The following CDH23 variants were observed in gnomAD, a reference collection of about 807,000 sequenced individuals.
The protein encoded by CDH23 is cadherin-23.
In CDH23, 189 loss-of-function variants were observed where a neutral mutation model predicts 317.1. The observed-to-expected ratio is 0.60, with a 90% CI of 0.53 to 0.67. The LOEUF is 0.67. CDH23 is among the 30% of genes least tolerant of loss of function. The pLI is 0.00. For synonymous variants in CDH23, 1,839 were observed against 1,876.8 expected, an observed-to-expected ratio of 0.98 and a Z score of 0.52; for missense variants, 4,401 against 4,592.4, an observed-to-expected ratio of 0.96 and a Z score of 1.20.
chr10:71,667,392 G>GTGTGTGTGTGTGTGTA lies in CDH23; in HGVS notation c.1450-7716_1450-7715insTGTGTGTGTGTATGTG, dbSNP rs756166579. 2.0e-4 allele frequency among the ~76,000 whole-genome samples: 20 copies of GTGTGTGTGTGTGTGTA among 101,970 alleles called. No homozygotes were observed. The East Asian group carries it at 3.4e-3, about 17-fold the overall frequency. The allele number at this position is 101,970 out of a possible 152,430, so 66.9% of individuals were successfully genotyped here. ...TGTGTGTGTGTGTGTGTGTGTGTGTGTGTGCGCGTGTGTGTGTGAGGGGTG... is the reference window on the plus strand; with the variant it reads ...TGTGTGTGTGTGTGTGTGTGTGTGTGTGTGTGTGTGTGTGTATGTGCGCGTGTGTGTGTGAGGGGTG... On this transcript the variant is annotated intron_variant, in intron 14 of 69. Coordinates refer to ENST00000224721, the MANE Select transcript of CDH23 (RefSeq NM_022124.6).
chr10:71,668,945 G>A (rs914707821), intron 14 of CDH23, among the ~76,000 whole-genome samples: 10 of 152,326 alleles, frequency 6.6e-5, no homozygotes, highest in African/African-American at 2.2e-4. Context: ...GATTATAAAG[G>A]CCCAAATGAC....
intron 28 of CDH23, chr10:71,715,620 G>A (rs1866179444): frequency 3.9e-6 from 1 of 255,862 alleles, no homozygotes. Flanking sequence ...GCTGCTTCTA[G>A]GAGGTGGTTA....
chr10:71,510,213 C>G lies in CDH23; in HGVS notation c.277C>G (p.Leu93Val). The G allele has an allele frequency of 6.2e-7, 1 of 1,613,726 alleles. No homozygotes were observed. Residue 93 changes from leucine (L) to valine (V), a missense_variant, in exon 4 of 70, where the codon CTG becomes GTG. Leu to Val is a conservative substitution (Grantham distance 32). Transcript: ENST00000224721. ...DTGVVWLRQP[L>V]DRETKSEFTV... ...TGGCGTGGTGTGGCTCCGGCAGCCA[C>G]TGGACAGAGAGGTATGACTTGCCCA...
intron 14 of CDH23, chr10:71,646,996 G>C: frequency 1.0e-6 from 1 of 985,338 alleles, no homozygotes; most frequent in Non-Finnish European, 1.2e-6. Context: ...GCACCAGAGA[G>C]GGGCAGGCGC....
chr10:71,811,817 A>G, intron 65 of CDH23, 64 bp downstream of exon 65: 1 of 1,474,796 alleles, frequency 6.8e-7, no homozygotes, highest in Non-Finnish European at 8.9e-7. Context: ...TGGAGTGCCC[A>G]CCGGAGCCAC....
intron 38 of CDH23, chr10:71,753,969 G>A: frequency 2.3e-6 from 1 of 435,816 alleles, no homozygotes; most frequent in South Asian, 1.6e-5. Flanking sequence ...TTAGAGCTGG[G>A]GAAACTGAGG....
At chr10:71,763,909 C>A (rs138684920) in intron 38 of CDH23, among the ~76,000 whole-genome samples, 7 of 152,100 alleles carry the variant, frequency 4.6e-5, no homozygotes, top group African/African-American at 9.7e-5. Context: ...GATCCTGGGG[C>A]GCTTGTGTTT....
At chr10:71,402,750 C>A (rs1278248442) in intron 1 of CDH23, among the ~76,000 whole-genome samples, 1 of 151,642 alleles carries the variant, frequency 6.6e-6, no homozygotes. Context: ...TGTGTGCACG[C>A]GCGCGCGCGC....
At chr10:71,445,092 T>C (rs1774403590) in intron 2 of CDH23, among the ~76,000 whole-genome samples, 1 of 152,148 alleles carries the variant, frequency 6.6e-6, no homozygotes, top group Admixed American at 6.5e-5. Context: ...CCCAGCCCGC[T>C]CTGAAGCCAT....
In CDH23 at chr10:71,646,607, T is replaced by A. The variant is rs767928788; in HGVS notation, c.1439T>A (p.Leu480Gln). ...YENVTVGTSVLTVLATDNDAG... is the reference protein window; with the variant it reads ...YENVTVGTSVQTVLATDNDAG... ...AACGTCACCGTGGGGACCTCTGTGCTGACAGTCCTGGTGAGTCCCCGCTTC... is the reference window on the plus strand; with the variant it reads ...AACGTCACCGTGGGGACCTCTGTGCAGACAGTCCTGGTGAGTCCCCGCTTC... Residue 480 changes from leucine to glutamine, a missense_variant, in exon 14 of 70, where the codon CTG becomes CAG. Transcript: ENST00000224721. 1.2e-6 allele frequency: 2 copies of A among 1,613,882 alleles called. No individual in the cohort carries two copies. Among genetic ancestry groups the A allele is most frequent in the African/African-American group, 2.7e-5 (2 of 74,912 alleles).
At chr10:71,464,924 T>C (rs140062289) in intron 3 of CDH23, among the ~76,000 whole-genome samples, 1 of 152,210 alleles carries the variant, frequency 6.6e-6, no homozygotes, top group African/African-American at 2.4e-5. Context: ...CTGTCACTTA[T>C]GGAGGGCCAA....
In CDH23 at chr10:71,809,956, C is replaced by T. The variant is rs11000008; in HGVS notation, c.8859C>T (p.Asp2953=). 503 of 1,612,330 alleles carry T rather than the reference C, an allele frequency of 3.1e-4. 1 individual carries two copies. In the East Asian group the frequency reaches 9.8e-3, roughly 31 times the overall value. ...TAIIGIYILR[D]DQRVKIVINE... ...TCATCGGCATCTACATCCTGAGGGA[C>T]GACCAGCGCGTCAAGATCGTCATTA... The change falls in exon 61 of 70, where the codon GAC becomes GAT. Residue 2953 remains aspartate, a synonymous_variant. Transcript: ENST00000224721.
chr10:71,428,139 CTTTTTTT>C (rs112105182), intron 1 of CDH23, among the ~76,000 whole-genome samples: 1 of 131,536 alleles, frequency 7.6e-6, no homozygotes, highest in Non-Finnish European at 1.6e-5. Context: ...TTCTTTCTTT[CTTTTTTT>C]TTTTTTTTTT....
chr10:71,809,739 C>T (rs1035815610), intron 60 of CDH23, 81 bp from the exon 61 acceptor site: 4 of 1,547,854 alleles, frequency 2.6e-6, no homozygotes, highest in Non-Finnish European at 2.6e-6. Flanking sequence ...ATGTGCCCAC[C>T]TACCCCAGGG....
At chr10:71,583,317 C>T (rs772039133) in intron 9 of CDH23, among the ~76,000 whole-genome samples, 11 of 151,508 alleles carry the variant, frequency 7.3e-5, no homozygotes, top group South Asian at 2.1e-4. Context: ...GTGGAGTGCC[C>T]GGCTCAGGAG....
intron 11 of CDH23, among the ~76,000 whole-genome samples, chr10:71,622,321 G>A (rs1181681275): frequency 6.6e-6 from 1 of 152,096 alleles, no homozygotes; most frequent in Non-Finnish European, 1.5e-5. Context: ...GCCCTCCCCT[G>A]CCTCACCTCA....
At chr10:71,669,688 T>A (rs1864062497) in intron 14 of CDH23, among the ~76,000 whole-genome samples, 2 of 152,228 alleles carry the variant, frequency 1.3e-5, no homozygotes, top group South Asian at 4.1e-4. Context: ...TCTCAGGTGA[T>A]CTGCCTGCCT....
intron 38 of CDH23, among the ~76,000 whole-genome samples, chr10:71,772,642 C>T (rs371607853): frequency 6.6e-6 from 1 of 152,184 alleles, no homozygotes; most frequent in South Asian, 2.1e-4. Flanking sequence ...AGAGAGATGC[C>T]GTAATTTATC....
chr10:71,734,933 T>G (rs150017222), intron 34 of CDH23, among the ~76,000 whole-genome samples: 1 of 152,198 alleles, frequency 6.6e-6, no homozygotes, highest in African/African-American at 2.4e-5. Context: ...GGAAGACCAC[T>G]GAGGGCTCAT....
Sources: allele counts gnomAD v4.1 joint callset (sites outside exome capture counted in the v4.1 genomes callset), GRCh38; gene constraint gnomAD v4.1.1; transcripts MANE v1.5; gene names NCBI Gene and HGNC (gene_info 2026-07-23, HGNC 2026-07-21).